Variants in GRM1 observed in about 807,000 individuals in gnomAD.
GRM1 encodes metabotropic glutamate receptor 1.
Under a neutral mutation model 90.9 loss-of-function variants are expected in GRM1, and 33 were observed. The ratio of observed to expected loss-of-function variants is 0.36; its 90% confidence interval spans 0.28 to 0.49. The LOEUF is 0.49. Ranked by LOEUF, GRM1 falls within the 20% of genes least tolerant of loss-of-function variation. The pLI is 0.99. For missense variants in GRM1, 1,190 were observed against 1,534.3 expected, an observed-to-expected ratio of 0.78 and a Z score of 3.75; for synonymous variants, 700 against 613.2, an observed-to-expected ratio of 1.14 and a Z score of -2.09.
chr6:146,359,686 C>G (rs938729207), intron 5 of GRM1, among the ~76,000 whole-genome samples: 7 of 152,144 alleles, frequency 4.6e-5, no homozygotes, highest in Non-Finnish European at 8.8e-5. Context: ...AGAGGAGAGG[C>G]CTTTGTTCTC....
At chr6:146,148,807 C>T (rs1014382838) in intron 1 of GRM1, among the ~76,000 whole-genome samples, 13 of 151,828 alleles carry the variant, frequency 8.6e-5, no homozygotes, top group Non-Finnish European at 1.5e-4. Context: ...TTTGTGTGAG[C>T]GTGTGTTTGT....
intron 7 of GRM1, among the ~76,000 whole-genome samples, chr6:146,402,496 C>A (rs1314950431): frequency 1.3e-5 from 2 of 152,080 alleles, no homozygotes. Flanking sequence ...TTTACAGCAG[C>A]AAAAATCTGG....
chr6:146,402,744 C>A (rs1231084911), intron 7 of GRM1, among the ~76,000 whole-genome samples: 2 of 152,256 alleles, frequency 1.3e-5, no homozygotes, highest in Non-Finnish European at 2.9e-5. Flanking sequence ...TCATGACAGG[C>A]TGTTTCTGAG....
chr6:146,433,955 T>A lies in GRM1; in HGVS notation c.2744T>A (p.Val915Glu), dbSNP rs749230413. 2.5e-6 allele frequency: 4 copies of A among 1,614,058 alleles called. No individual in the cohort carries two copies. Among genetic ancestry groups the A allele is most frequent in the Non-Finnish European group, 3.4e-6 (4 of 1,179,896 alleles). ...KGQHMWHRLS[V>E]HVKTNETACN... is the part of the protein sequence containing the mutation. ...CAGCATATGTGGCACCGCCTCTCTG[T>A]GCACGTGAAGACCAATGAGACGGCC... The change falls in exon 8 of 8, where the codon GTG becomes GAG. Residue 915 changes from valine (V) to glutamate (E), a missense_variant. Val to Glu is a moderately radical substitution (Grantham distance 121). Coordinates refer to ENST00000282753, the MANE Select transcript of GRM1 (RefSeq NM_001278064.2).
chr6:146,033,796 A>G (rs957520753), intron 1 of GRM1, among the ~76,000 whole-genome samples: 1 of 151,896 alleles, frequency 6.6e-6, no homozygotes, highest in East Asian at 1.9e-4. Flanking sequence ...TTTATTTGAT[A>G]TAAAACAATT....
intron 1 of GRM1, among the ~76,000 whole-genome samples, chr6:146,121,203 A>T (rs894758246): frequency 6.6e-6 from 1 of 152,064 alleles, no homozygotes; most frequent in African/African-American, 2.4e-5. Context: ...AGTTTCTTCT[A>T]TGTTTTCTAG....
At chr6:146,369,136 G>GT (rs1775806527) in intron 5 of GRM1, among the ~76,000 whole-genome samples, 11 of 151,762 alleles carry the variant, frequency 7.2e-5, no homozygotes, top group Admixed American at 7.2e-4. Context: ...TTGGCATATA[G>GT]TTATTCACAA....
chr6:146,257,080 A>T (rs1293217222), intron 2 of GRM1, among the ~76,000 whole-genome samples: 5 of 152,138 alleles, frequency 3.3e-5, no homozygotes, highest in Non-Finnish European at 5.9e-5. Context: ...CTGGAACTTA[A>T]GTCCATCTCT....
At chr6:146,346,469 A>G (rs1411387674) in intron 3 of GRM1, among the ~76,000 whole-genome samples, 2 of 152,208 alleles carry the variant, frequency 1.3e-5, no homozygotes, top group African/African-American at 2.4e-5. Flanking sequence ...ATATTTTTCT[A>G]TGATGTCAGC....
chr6:146,290,406 G>C (rs1047141623), intron 2 of GRM1, among the ~76,000 whole-genome samples: 1 of 152,156 alleles, frequency 6.6e-6, no homozygotes, highest in Non-Finnish European at 1.5e-5. Flanking sequence ...AAGCATAACT[G>C]TCAGACTCAC....
chr6:146,405,698 T>TTTTG (rs890730288), intron 7 of GRM1, among the ~76,000 whole-genome samples: 24 of 143,378 alleles, frequency 1.7e-4, no homozygotes, highest in South Asian at 8.6e-4. Flanking sequence ...TGTTGTGTTT[T>TTTTG]TTTGTTTGTT....
chr6:146,188,647 A>C (rs1383344554), intron 2 of GRM1, among the ~76,000 whole-genome samples: 1 of 152,188 alleles, frequency 6.6e-6, no homozygotes, highest in East Asian at 1.9e-4. Context: ...CAAAGAATAC[A>C]TTTTTAAATT....
intron 1 of GRM1, among the ~76,000 whole-genome samples, chr6:146,055,084 G>A (rs566514469): frequency 5.3e-4 from 81 of 151,976 alleles, no homozygotes; most frequent in Admixed American, 2.0e-3. Flanking sequence ...ACTGTGTTAC[G>A]GGCAATTAAT....
chr6:146,295,120 A>G (rs1783130766), intron 2 of GRM1, among the ~76,000 whole-genome samples: 1 of 152,006 alleles, frequency 6.6e-6, no homozygotes, highest in South Asian at 2.1e-4. Context: ...TGGAGAGTTT[A>G]GATATTTGAT....
At chr6:146,058,999 C>T (rs2128852753) in intron 1 of GRM1, among the ~76,000 whole-genome samples, 2 of 152,232 alleles carry the variant, frequency 1.3e-5, no homozygotes, top group Middle Eastern at 3.4e-3. Flanking sequence ...TCTCAAAGAC[C>T]TTCATGAAGG....
chr6:146,064,099 A>G lies in GRM1; in HGVS notation c.700+33882A>G, dbSNP rs187533246. Among the ~76,000 whole-genome samples the G allele has an allele frequency of 1.6e-3, 249 of 152,292 alleles. 1 individual carries two copies. Among genetic ancestry groups the G allele is most frequent in the African/African-American group, 5.7e-3 (236 of 41,576 alleles). On this transcript the variant is annotated intron_variant, in intron 1 of 7. Coordinates refer to ENST00000282753, the MANE Select transcript of GRM1 (RefSeq NM_001278064.2). ...TAAATTAGCATGTTAGTTTGCAACA[A>G]AAAAATAGAAATCCAGGATATATAA...
chr6:146,290,060 A>G (rs1199464956), intron 2 of GRM1, among the ~76,000 whole-genome samples: 1 of 152,224 alleles, frequency 6.6e-6, no homozygotes, highest in Non-Finnish European at 1.5e-5. Context: ...GATTACAAAT[A>G]TGCTAAAATT....
intron 2 of GRM1, among the ~76,000 whole-genome samples, chr6:146,246,558 T>C (rs1247630493): frequency 6.6e-6 from 1 of 152,160 alleles, no homozygotes; most frequent in Non-Finnish European, 1.5e-5. Context: ...TTGAACAGAA[T>C]CCACAGAAAG....
At chr6:146,110,496 C>T (rs1012154696) in intron 1 of GRM1, among the ~76,000 whole-genome samples, 4 of 152,138 alleles carry the variant, frequency 2.6e-5, no homozygotes, top group Non-Finnish European at 4.4e-5. Context: ...ATTGCCCAGT[C>T]TCAGATATAT....
Sources: allele counts gnomAD v4.1 joint callset (sites outside exome capture counted in the v4.1 genomes callset), GRCh38; gene constraint gnomAD v4.1.1; transcripts MANE v1.5; gene names NCBI Gene and HGNC (gene_info 2026-07-23, HGNC 2026-07-21).